DCHS2: variants seen among roughly 807,000 people sequenced by gnomAD.
The protein encoded by DCHS2 is dachsous cadherin-related 2.
In DCHS2, 142 loss-of-function variants were observed where a neutral mutation model predicts 182.4. The ratio of observed to expected loss-of-function variants is 0.78; its 90% CI spans 0.68 to 0.89. The LOEUF is 0.89. DCHS2 is among the 40% of genes least tolerant of loss of function. The pLI is 0.00. For missense variants in DCHS2, 4,319 were observed against 4,198.6 expected (o/e 1.03, Z -0.79); for synonymous variants, 1,740 against 1,663.3 (o/e 1.05, Z -1.12).
In DCHS2 at chr4:154,292,324, C is replaced by A. The variant is rs1203433326; in HGVS notation, c.6463+5527G>T. Among the ~76,000 whole-genome samples the A allele has an allele frequency of 2.0e-5, 3 of 152,156 alleles. No individual in the cohort carries two copies. The East Asian group carries it at 5.8e-4, about 29-fold the overall frequency. ...AAGCTTGTGACAAATAAACTGATGTCTTTGTCTGATTTCAGGGACTGATTT... is the reference window on the plus strand; with the variant it reads ...AAGCTTGTGACAAATAAACTGATGTATTTGTCTGATTTCAGGGACTGATTT... On this transcript the variant is annotated intron_variant, in intron 13 of 19. Coordinates refer to ENST00000357232, the MANE Select transcript of DCHS2 (RefSeq NM_001358235.2).
intron 10 of DCHS2, among the ~76,000 whole-genome samples, chr4:154,315,423 TCTAA>T (rs1056111339): frequency 4.6e-5 from 7 of 152,206 alleles, no homozygotes; most frequent in Non-Finnish European, 7.3e-5. Flanking sequence ...TCTCAATGTA[TCTAA>T]CTATTATACT....
intron 1 of DCHS2, among the ~76,000 whole-genome samples, chr4:154,426,273 C>T (rs1019929621): frequency 1.3e-5 from 2 of 152,176 alleles, no homozygotes; most frequent in African/African-American, 4.8e-5. Flanking sequence ...CTCATGTCTT[C>T]TTCAATTAGT....
chr4:154,464,091 G>A (rs375144907), intron 1 of DCHS2, among the ~76,000 whole-genome samples: 7 of 152,076 alleles, frequency 4.6e-5, no homozygotes, highest in African/African-American at 9.7e-5. Context: ...GTTGGAAAAC[G>A]GCAATGTCAC....
intron 1 of DCHS2, among the ~76,000 whole-genome samples, chr4:154,433,455 C>A (rs953918918): frequency 3.1e-5 from 4 of 129,558 alleles, no homozygotes; most frequent in Admixed American, 9.9e-5. Context: ...AGTGCAGTGG[C>A]GTGATCTCCG....
At chr4:154,375,289 T>C (rs192696844) in intron 2 of DCHS2, among the ~76,000 whole-genome samples, 2 of 152,004 alleles carry the variant, frequency 1.3e-5, no homozygotes, top group East Asian at 3.9e-4. Context: ...AACACAAAAA[T>C]CACTAGCTAT....
At chr4:154,441,973 G>T (rs543555391) in intron 1 of DCHS2, among the ~76,000 whole-genome samples, 1 of 152,058 alleles carries the variant, frequency 6.6e-6, no homozygotes, top group South Asian at 2.1e-4. Context: ...ATAACCATTG[G>T]GTAAGTCAAT....
chr4:154,363,349 T>G (rs1730209908), intron 3 of DCHS2, among the ~76,000 whole-genome samples: 1 of 152,214 alleles, frequency 6.6e-6, no homozygotes, highest in Admixed American at 6.5e-5. Flanking sequence ...AATGAAAATG[T>G]AGTATATATA....
intron 5 of DCHS2, 44 bp downstream of exon 5, chr4:154,332,434 G>C: frequency 6.7e-7 from 1 of 1,494,132 alleles, no homozygotes; most frequent in South Asian, 1.3e-5. Flanking sequence ...TGATAGTACT[G>C]AACCCTCATT....
At chr4:154,471,935 T>G (rs1735486666) in intron 1 of DCHS2, among the ~76,000 whole-genome samples, 1 of 152,164 alleles carries the variant, frequency 6.6e-6, no homozygotes, top group East Asian at 1.9e-4. Flanking sequence ...GACTGAAAAA[T>G]CATCTTCTTA....
chr4:154,350,608 T>G (rs1561061372), intron 3 of DCHS2, among the ~76,000 whole-genome samples: 1 of 152,180 alleles, frequency 6.6e-6, no homozygotes, highest in Admixed American at 6.5e-5. Context: ...ACATCTTAGA[T>G]ATTTATTTTT....
chr4:154,334,833 T>C (rs776246126), intron 4 of DCHS2, 35 bp downstream of exon 4: 5 of 1,497,414 alleles, frequency 3.3e-6, no homozygotes, highest in African/African-American at 2.8e-5. Context: ...GTTCCAATAA[T>C]GGAATTCCAT....
chr4:154,296,173 G>C (rs1003739774), intron 13 of DCHS2, among the ~76,000 whole-genome samples: 3 of 152,054 alleles, frequency 2.0e-5, no homozygotes, highest in Non-Finnish European at 4.4e-5. Flanking sequence ...TCAAAGCACC[G>C]GAAATGAAAC....
chr4:154,347,804 A>C (rs1729428904), intron 3 of DCHS2, among the ~76,000 whole-genome samples: 1 of 151,922 alleles, frequency 6.6e-6, no homozygotes, highest in Non-Finnish European at 1.5e-5. Flanking sequence ...ACCAGTGGCC[A>C]ATCTGACCTG....
intron 1 of DCHS2, among the ~76,000 whole-genome samples, chr4:154,397,504 C>T (rs1201072654): frequency 6.6e-6 from 1 of 152,212 alleles, no homozygotes; most frequent in Admixed American, 6.5e-5. Flanking sequence ...TTCACTTATA[C>T]TTCTCATGCT....
chr4:154,310,727 GCTTTCAC>G (rs1305718137), intron 10 of DCHS2, among the ~76,000 whole-genome samples: 2 of 152,128 alleles, frequency 1.3e-5, no homozygotes, highest in African/African-American at 4.8e-5. Flanking sequence ...GAACTCATTG[GCTTTCAC>G]CCATCTTTAT....
At chr4:154,375,731 A>G (rs1401783610) in intron 2 of DCHS2, among the ~76,000 whole-genome samples, 1 of 152,130 alleles carries the variant, frequency 6.6e-6, no homozygotes, top group Non-Finnish European at 1.5e-5. Flanking sequence ...CACTGGTGGG[A>G]GCGCAATTCT....
intron 1 of DCHS2, among the ~76,000 whole-genome samples, chr4:154,454,158 C>A (rs1283016158): frequency 6.7e-6 from 1 of 149,428 alleles, no homozygotes; most frequent in East Asian, 2.0e-4. Context: ...CACACACACC[C>A]CTTGCCAGGA....
intron 1 of DCHS2, chr4:154,384,257 G>A (rs1019315833): frequency 6.8e-7 from 1 of 1,469,802 alleles, no homozygotes; most frequent in Admixed American, 2.4e-5. Flanking sequence ...TTTATTTTCT[G>A]AATTATTTGG....
intron 1 of DCHS2, among the ~76,000 whole-genome samples, chr4:154,420,482 T>C (rs566107682): frequency 6.6e-6 from 1 of 152,210 alleles, no homozygotes; most frequent in Non-Finnish European, 1.5e-5. Context: ...AAGACAATGA[T>C]GTAACTCTCA....
Sources: allele counts gnomAD v4.1 joint callset (sites outside exome capture counted in the v4.1 genomes callset), GRCh38; gene constraint gnomAD v4.1.1; transcripts MANE v1.5; gene names NCBI Gene and HGNC (gene_info 2026-07-23, HGNC 2026-07-21).